The following TMEM131 variants were observed in gnomAD, a reference collection of about 807,000 sequenced individuals.
TMEM131 encodes transmembrane protein 131.
TMEM131 carries 66 observed loss-of-function variants against 211.6 expected under a neutral mutation model. The ratio of observed to expected loss-of-function variants is 0.31; its 90% CI spans 0.26 to 0.38. TMEM131 has a LOEUF of 0.38. Ranked by LOEUF, TMEM131 falls within the 10% of genes least tolerant of loss-of-function variation. The pLI, the probability that TMEM131 is intolerant of heterozygous loss-of-function variation, is 1.00. For missense variants in TMEM131, 2,036 were observed against 2,299.3 expected, an observed-to-expected ratio of 0.89 and a Z score of 2.34; for synonymous variants, 844 against 841.3, an observed-to-expected ratio of 1.00 and a Z score of -0.06.
chr2:97,906,895 A>C (rs183827400), intron 3 of TMEM131, among the ~76,000 whole-genome samples: 10 of 152,286 alleles, frequency 6.6e-5, no homozygotes, highest in Non-Finnish European at 1.2e-4. Context: ...TTTTAGATAG[A>C]AGTAGATAAT....
chr2:97,927,977 A>G (rs758389957), intron 1 of TMEM131, among the ~76,000 whole-genome samples: 1 of 152,186 alleles, frequency 6.6e-6, no homozygotes, highest in African/African-American at 2.4e-5. Context: ...ATAGCAAAAG[A>G]TTATTCTGAT....
intron 4 of TMEM131, among the ~76,000 whole-genome samples, chr2:97,860,142 T>C (rs1674007849): frequency 6.6e-6 from 1 of 152,232 alleles, no homozygotes; most frequent in African/African-American, 2.4e-5. Flanking sequence ...ATCTTATTGG[T>C]ACAGGCCTCC....
At chr2:97,848,976 C>A (rs900391628) in intron 5 of TMEM131, among the ~76,000 whole-genome samples, 2 of 152,092 alleles carry the variant, frequency 1.3e-5, no homozygotes, top group African/African-American at 4.8e-5. Context: ...AGAAAACAAA[C>A]AACTCAACTT....
At position 97,813,886 on chromosome 2, in the gene TMEM131, G is replaced by C. The variant is rs1043529694; in HGVS notation, c.1617+85C>G. The C allele has an allele frequency of 5.5e-6, 6 of 1,094,704 alleles. No individual in the cohort carries two copies. In the African/African-American group the frequency reaches 8.0e-5, roughly 15 times the overall value. 67.8% of individuals were successfully genotyped at this position (1,094,704 alleles called of 1,614,324 possible). On this transcript the variant is annotated intron_variant, in intron 15 of 40. Coordinates refer to ENST00000186436, the MANE Select transcript of TMEM131 (RefSeq NM_015348.2). ...TGCAGAGCACAAATAATGGCAAACC[G>C]TATGTAACACGACTGCCTAATAAGA...
At chr2:97,988,452 A>C (rs1680123895) in intron 1 of TMEM131, among the ~76,000 whole-genome samples, 1 of 152,216 alleles carries the variant, frequency 6.6e-6, no homozygotes, top group Non-Finnish European at 1.5e-5. Context: ...ATCAAACAAA[A>C]ACTTTTGTTC....
In TMEM131 at chr2:97,888,092, G is replaced by A. The variant is rs1337714022; in HGVS notation, c.319C>T (p.Pro107Ser). Reference protein sequence around the residue: ...SISLYRGNCRPIRFEPPMLDF... With the variant: ...SISLYRGNCRSIRFEPPMLDF... ...AGCATTGGTGGCTCAAATCGTATGG[G>A]CCTGCAATTCCCCCGGTAGAGAGAT... The change falls in exon 4 of 41, where the codon CCC becomes TCC. Residue 107 changes from proline (P) to serine (S), a missense_variant. By Grantham distance (74) the Pro-to-Ser change is moderately conservative (BLOSUM62 -1). Transcript: ENST00000186436. 1 of 1,613,438 alleles carries A rather than the reference G, an allele frequency of 6.2e-7. No homozygotes were observed. Among genetic ancestry groups the A allele is most frequent in the Non-Finnish European group, 8.5e-7 (1 of 1,179,654 alleles).
At chr2:97,889,413 T>C (rs1322334799) in intron 3 of TMEM131, among the ~76,000 whole-genome samples, 1 of 152,082 alleles carries the variant, frequency 6.6e-6, no homozygotes, top group Non-Finnish European at 1.5e-5. Flanking sequence ...AACAAAAACA[T>C]TCTTTGGCGC....
intron 3 of TMEM131, among the ~76,000 whole-genome samples, chr2:97,898,327 T>C (rs1170504029): frequency 1.3e-5 from 2 of 152,176 alleles, no homozygotes; most frequent in Non-Finnish European, 2.9e-5. Flanking sequence ...AAACTTGGTA[T>C]GTTGTTCTAT....
chr2:97,796,016 T>C (rs1680743255), intron 28 of TMEM131, among the ~76,000 whole-genome samples: 1 of 151,986 alleles, frequency 6.6e-6, no homozygotes. Flanking sequence ...TATGAAGAAA[T>C]GCCTTAACCA....
chr2:97,965,664 A>T (rs1296712470), intron 1 of TMEM131, among the ~76,000 whole-genome samples: 1 of 151,264 alleles, frequency 6.6e-6, no homozygotes, highest in African/African-American at 2.4e-5. Context: ...ATCTAATCTC[A>T]CAAACAGCAC....
chr2:97,774,048 T>C (rs1176291730), intron 32 of TMEM131, among the ~76,000 whole-genome samples: 1 of 152,248 alleles, frequency 6.6e-6, no homozygotes, highest in Admixed American at 6.5e-5. Context: ...AAATTTATGA[T>C]TATGAAGACA....
intron 2 of TMEM131, among the ~76,000 whole-genome samples, chr2:97,922,728 G>A (rs1393358595): frequency 6.6e-6 from 1 of 152,114 alleles, no homozygotes; most frequent in Admixed American, 6.6e-5. Context: ...ATAAAATTCT[G>A]GAAAATGGCT....
At position 97,756,922 on chromosome 2, in the gene TMEM131, T is replaced by C. The variant is rs1678514378; in HGVS notation, c.*177A>G. Reference sequence around the variant, plus strand: ...AACAGCAAATCTCATGTTATCATAATTGCAAGAAAGATCTGAAAGAAGCGA... The same window carrying C: ...AACAGCAAATCTCATGTTATCATAACTGCAAGAAAGATCTGAAAGAAGCGA... On this transcript the variant is annotated 3_prime_UTR_variant, in exon 41 of 41. Coordinates refer to ENST00000186436, the MANE Select transcript of TMEM131 (RefSeq NM_015348.2). 1.5e-6 allele frequency: 1 copy of C among 667,848 alleles called. No individual in the cohort carries two copies. Among genetic ancestry groups the C allele is most frequent in the Non-Finnish European group, 2.3e-6 (1 of 431,034 alleles). 41.4% of individuals were successfully genotyped at this position (667,848 alleles called of 1,614,324 possible).
At chr2:97,887,959 A>G (rs1422709913) in intron 4 of TMEM131, 93 bp downstream of exon 4, 1 of 982,202 alleles carries the variant, frequency 1.0e-6, no homozygotes, top group African/African-American at 1.6e-5. Flanking sequence ...ACTTTCCCAC[A>G]TAGATGTAAC....
chr2:97,795,386 A>C (rs370259845), intron 28 of TMEM131, among the ~76,000 whole-genome samples: 1 of 152,152 alleles, frequency 6.6e-6, no homozygotes, highest in Non-Finnish European at 1.5e-5. Flanking sequence ...CCTGAGCTTC[A>C]TGTCCTTCTC....
At chr2:97,867,115 T>C (rs7594928) in intron 4 of TMEM131, among the ~76,000 whole-genome samples, 52,492 of 152,076 alleles carry the variant, frequency 0.35, 9,968 homozygotes, top group Middle Eastern at 0.49. Context: ...GCATATGGTC[T>C]ATCTTGGAGA....
chr2:97,791,561 C>T (rs924758986), intron 31 of TMEM131, among the ~76,000 whole-genome samples: 1 of 152,170 alleles, frequency 6.6e-6, no homozygotes, highest in African/African-American at 2.4e-5. Context: ...CATCAACTGC[C>T]TGTGTGAACG....
chr2:97,992,203 T>G (rs184476468), intron 1 of TMEM131, among the ~76,000 whole-genome samples: 3 of 152,328 alleles, frequency 2.0e-5, no homozygotes, highest in Non-Finnish European at 4.4e-5. Context: ...AGGTTAAAAA[T>G]AGTTTGGTTA....
rs760584065 is a variant in TMEM131, at chr2:97,834,867, G to A, written c.863C>T (p.Ala288Val). 3.1e-6 allele frequency: 5 copies of A among 1,613,654 alleles called. No individual in the cohort carries two copies. In the African/African-American group the frequency reaches 5.3e-5, roughly 17 times the overall value. Reference sequence around the variant, plus strand: ...TCTTATGAAGGCTGTGTGATTATCTGCTTCTCTAGATGAAAAACTGGCTCT... The same window carrying A: ...TCTTATGAAGGCTGTGTGATTATCTACTTCTCTAGATGAAAAACTGGCTCT... ...VMRASFSSRE[A>V]DNHTAFIRIK... The change falls in exon 9 of 41, where the codon GCA becomes GTA. Residue 288 changes from alanine to valine, a missense_variant. Physicochemically the swap from Ala to Val is moderately conservative, Grantham distance 64 (BLOSUM62 0). Around this residue, in one of 3 missense-constraint regions of TMEM131, gnomAD observed 277 missense variants for 378.0 expected, o/e 0.73. Transcript: ENST00000186436.
Sources: allele counts gnomAD v4.1 joint callset (sites outside exome capture counted in the v4.1 genomes callset), GRCh38; gene constraint gnomAD v4.1.1; regional missense constraint gnomAD v4.1.1; transcripts MANE v1.5; gene names NCBI Gene and HGNC (gene_info 2026-07-23, HGNC 2026-07-21).